Variants in TENM3 observed in about 807,000 individuals in gnomAD.
The protein encoded by TENM3 is teneurin transmembrane protein 3.
Under a neutral mutation model 255.1 loss-of-function variants are expected in TENM3, and 63 were observed. The observed-to-expected ratio is 0.25, with a 90% CI of 0.20 to 0.30. The LOEUF is 0.30. Ranked by LOEUF, TENM3 falls within the 10% of genes least tolerant of loss-of-function variation. The probability of loss-of-function intolerance (pLI) is 1.00; values close to 1 mark genes in which losing one functional copy is unlikely to be tolerated. For synonymous variants in TENM3, 1,306 were observed against 1,322.3 expected (o/e 0.99, Z 0.27); for missense variants, 2,929 against 3,461.1 (o/e 0.85, Z 3.86).
chr4:181,838,761 T>G, the TENM3 span, among the ~76,000 whole-genome samples: 1 of 152,100 alleles, frequency 6.6e-6, no homozygotes, highest in African/African-American at 2.4e-5. Flanking sequence ...TTCTTTTCTC[T>G]TTCTTTTTCT....
intron 3 of TENM3, among the ~76,000 whole-genome samples, chr4:182,386,530 C>A (rs1476126473): frequency 2.0e-5 from 3 of 152,218 alleles, no homozygotes; most frequent in Non-Finnish European, 4.4e-5. Flanking sequence ...AGGCTGGAGC[C>A]CGCTCCCTCA....
At chr4:182,241,214 TTAATAA>T (rs1355839992), upstream of TENM3, among the ~76,000 whole-genome samples, 1 of 152,236 alleles carries the variant, frequency 6.6e-6, no homozygotes, top group Admixed American at 6.5e-5. Flanking sequence ...TTCTGGGCAC[TTAATAA>T]ATGTTCATTT....
At chr4:182,765,862 T>C (rs755163603) in intron 22 of TENM3, among the ~76,000 whole-genome samples, 6 of 152,228 alleles carry the variant, frequency 3.9e-5, no homozygotes, top group African/African-American at 1.4e-4. Flanking sequence ...CATAGGCCCC[T>C]GTCAAGGTGT....
chr4:182,427,257 A>T (rs1436763337), intron 3 of TENM3, among the ~76,000 whole-genome samples: 1 of 152,192 alleles, frequency 6.6e-6, no homozygotes, highest in Non-Finnish European at 1.5e-5. Flanking sequence ...AATGGCTGAG[A>T]TCACATTTGC....
At chr4:182,463,437 G>A (rs924191132) in intron 3 of TENM3, among the ~76,000 whole-genome samples, 1 of 151,672 alleles carries the variant, frequency 6.6e-6, no homozygotes, top group African/African-American at 2.4e-5. Flanking sequence ...GTAGGAAAGT[G>A]CAATGGGTGC....
chr4:181,471,046 G>A, the TENM3 span, among the ~76,000 whole-genome samples: 2 of 152,088 alleles, frequency 1.3e-5, no homozygotes, highest in East Asian at 3.9e-4. Context: ...TGACTACTGA[G>A]AACTTAAACA....
At chr4:182,713,547 G>C (rs1023095717) in intron 12 of TENM3, among the ~76,000 whole-genome samples, 1 of 152,180 alleles carries the variant, frequency 6.6e-6, no homozygotes, top group African/African-American at 2.4e-5. Context: ...AATTTCACAT[G>C]AATGTACGGC....
chr4:181,849,422 G>A, the TENM3 span, among the ~76,000 whole-genome samples: 1 of 152,034 alleles, frequency 6.6e-6, no homozygotes, highest in Non-Finnish European at 1.5e-5. Flanking sequence ...AACATTTTCA[G>A]CAATGATGAG....
chr4:181,628,275 C>T, the TENM3 span, among the ~76,000 whole-genome samples: 5 of 152,082 alleles, frequency 3.3e-5, no homozygotes, highest in Non-Finnish European at 5.9e-5. Context: ...TTCTCCCATT[C>T]TGTAGGTTGC....
intron 12 of TENM3, among the ~76,000 whole-genome samples, chr4:182,698,632 T>G (rs76895336): frequency 0.017 from 2,544 of 152,348 alleles, 80 homozygotes; most frequent in African/African-American, 0.059. Context: ...AGGCCTCGGT[T>G]TCTGTCCCTT....
At chr4:182,693,470 G>A (rs1354393700) in intron 12 of TENM3, among the ~76,000 whole-genome samples, 1 of 151,828 alleles carries the variant, frequency 6.6e-6, no homozygotes, top group Non-Finnish European at 1.5e-5. Flanking sequence ...CCAAGTAGCT[G>A]GGGTTACAGG....
chr4:182,448,993 G>A, intron 3 of TENM3: 1 of 400,044 alleles, frequency 2.5e-6, no homozygotes, highest in Non-Finnish European at 5.0e-6. Context: ...CCCGGAGCCA[G>A]GCGCTGTAAC....
the TENM3 span, among the ~76,000 whole-genome samples, chr4:181,692,574 C>A: frequency 6.6e-6 from 1 of 151,978 alleles, no homozygotes; most frequent in South Asian, 2.1e-4. Flanking sequence ...GGGTATAAAC[C>A]ACGTATTTAG....
the TENM3 span, among the ~76,000 whole-genome samples, chr4:181,810,554 A>T: frequency 6.6e-6 from 1 of 152,172 alleles, no homozygotes; most frequent in Admixed American, 6.5e-5. Flanking sequence ...TATGTTATTC[A>T]TACAAGACCC....
intron 4 of TENM3, among the ~76,000 whole-genome samples, chr4:182,617,374 G>A (rs1749641133): frequency 6.6e-6 from 1 of 152,164 alleles, no homozygotes; most frequent in African/African-American, 2.4e-5. Flanking sequence ...ATCATCAAGT[G>A]ACTAAAACTA....
At chr4:182,363,104 A>C (rs1038224929) in intron 3 of TENM3, among the ~76,000 whole-genome samples, 1 of 152,166 alleles carries the variant, frequency 6.6e-6, no homozygotes, top group Admixed American at 6.6e-5. Context: ...TCCAAAATTG[A>C]CATTTTACTT....
the TENM3 span, among the ~76,000 whole-genome samples, chr4:182,109,832 T>C: frequency 2.0e-5 from 3 of 152,174 alleles, no homozygotes; most frequent in Non-Finnish European, 2.9e-5. Context: ...TTAGAAATCA[T>C]GTAATTGCAT....
At chr4:181,456,499 G>C in the TENM3 span, among the ~76,000 whole-genome samples, 1 of 151,818 alleles carries the variant, frequency 6.6e-6, no homozygotes, top group Non-Finnish European at 1.5e-5. Flanking sequence ...TATTTTGATA[G>C]CTTTTAGGTT....
the TENM3 span, among the ~76,000 whole-genome samples, chr4:181,969,881 C>T: frequency 7.2e-5 from 11 of 152,288 alleles, no homozygotes; most frequent in Middle Eastern, 3.4e-3. Flanking sequence ...GTATTTAATT[C>T]GTTAACGTGT....
Sources: gnomAD v4.1 joint callset for allele counts (sites outside exome capture counted in the v4.1 genomes callset) on GRCh38, gnomAD v4.1.1 for gene constraint, MANE v1.5 for transcripts, NCBI Gene and HGNC (gene_info 2026-07-23, HGNC 2026-07-21) for gene names.